SLC24A2: variants seen among roughly 807,000 people sequenced by gnomAD.
SLC24A2 encodes sodium/potassium/calcium exchanger 2.
In SLC24A2, 36 loss-of-function variants were observed where a neutral mutation model predicts 62.0. The observed-to-expected ratio is 0.58, with a 90% CI of 0.44 to 0.77. The LOEUF is 0.77. Among genes scored for constraint, SLC24A2 ranks in the 30% least tolerant of loss-of-function variants. The pLI, the probability that SLC24A2 is intolerant of heterozygous loss-of-function variation, is 0.00. For synonymous variants in SLC24A2, 358 were observed against 294.0 expected (o/e 1.22, Z -2.23); for missense variants, 846 against 817.9 (o/e 1.03, Z -0.42).
At chr9:19,991,774 G>A in the SLC24A2 span, among the ~76,000 whole-genome samples, 9 of 152,068 alleles carry the variant, frequency 5.9e-5, no homozygotes, top group South Asian at 2.1e-4. Flanking sequence ...TTTATTTTTC[G>A]GAAAATAAGT....
chr9:20,045,400 G>C, the SLC24A2 span, among the ~76,000 whole-genome samples: 1 of 151,920 alleles, frequency 6.6e-6, no homozygotes. Flanking sequence ...TGGTTAAGTA[G>C]AACACAAAAA....
At chr9:19,850,983 A>T in the SLC24A2 span, among the ~76,000 whole-genome samples, 3 of 39,578 alleles carry the variant, frequency 7.6e-5, no homozygotes, top group Non-Finnish European at 1.6e-4. Context: ...ATATATATAT[A>T]TGTATATATA....
At chr9:20,039,024 AATGGACTAAG>A in the SLC24A2 span, among the ~76,000 whole-genome samples, 1 of 152,260 alleles carries the variant, frequency 6.6e-6, no homozygotes, top group Admixed American at 6.5e-5. Context: ...TCACAGAAGT[AATGGACTAAG>A]AGAGAACAGA....
At chr9:20,117,142 A>G in the SLC24A2 span, among the ~76,000 whole-genome samples, 1 of 152,124 alleles carries the variant, frequency 6.6e-6, no homozygotes, top group African/African-American at 2.4e-5. Context: ...CAAAGATAAC[A>G]TCTCCTTCCC....
intron 2 of SLC24A2, among the ~76,000 whole-genome samples, chr9:19,662,350 A>T (rs1347870639): frequency 1.3e-5 from 2 of 152,200 alleles, no homozygotes; most frequent in East Asian, 3.8e-4. Flanking sequence ...GACACATTTC[A>T]AGGGCTGAGT....
At chr9:19,669,463 A>G (rs13285098) in intron 2 of SLC24A2, among the ~76,000 whole-genome samples, 37,287 of 152,198 alleles carry the variant, frequency 0.24, 4,645 homozygotes, top group African/African-American at 0.28. Flanking sequence ...TTGCTACCAC[A>G]ATAAATAACC....
the SLC24A2 span, among the ~76,000 whole-genome samples, chr9:20,283,543 C>T: frequency 6.6e-6 from 1 of 152,124 alleles, no homozygotes; most frequent in Non-Finnish European, 1.5e-5. Context: ...CCGGAATATC[C>T]ATACGGGTCA....
chr9:20,088,379 G>A, the SLC24A2 span, among the ~76,000 whole-genome samples: 1 of 152,150 alleles, frequency 6.6e-6, no homozygotes, highest in African/African-American at 2.4e-5. Flanking sequence ...GAGAATCAGA[G>A]GCAACTAGGG....
the SLC24A2 span, among the ~76,000 whole-genome samples, chr9:20,187,855 T>G: frequency 6.6e-6 from 1 of 152,194 alleles, no homozygotes; most frequent in Non-Finnish European, 1.5e-5. Flanking sequence ...AGAATCTCTA[T>G]GCCCACCTCA....
the SLC24A2 span, among the ~76,000 whole-genome samples, chr9:20,229,335 T>C: frequency 6.6e-6 from 1 of 152,140 alleles, no homozygotes; most frequent in Non-Finnish European, 1.5e-5. Context: ...ATAAGGAAAG[T>C]ATGGTATGAA....
At chr9:19,991,292 C>T in the SLC24A2 span, among the ~76,000 whole-genome samples, 2 of 152,066 alleles carry the variant, frequency 1.3e-5, no homozygotes, top group Non-Finnish European at 2.9e-5. Flanking sequence ...AACTTGGAGT[C>T]TGATGTTCGA....
the SLC24A2 span, among the ~76,000 whole-genome samples, chr9:20,241,340 C>T: frequency 1.3e-5 from 2 of 152,196 alleles, no homozygotes; most frequent in Non-Finnish European, 2.9e-5. Context: ...CAGTTCAATT[C>T]AGCAGGTATT....
At chr9:20,283,652 G>A in the SLC24A2 span, among the ~76,000 whole-genome samples, 1 of 150,204 alleles carries the variant, frequency 6.7e-6, no homozygotes, top group Non-Finnish European at 1.5e-5. Flanking sequence ...AAGAATGGAA[G>A]TCTATTTTAA....
chr9:19,798,274 A>T, the SLC24A2 span, among the ~76,000 whole-genome samples: 1 of 152,192 alleles, frequency 6.6e-6, no homozygotes, highest in Non-Finnish European at 1.5e-5. Context: ...CAATGTTAGT[A>T]GTATTGATTT....
At chr9:19,636,315 T>TTTTCTTTTCTTTTCCTTC in intron 2 of SLC24A2, among the ~76,000 whole-genome samples, 1 of 40,328 alleles carries the variant, frequency 2.5e-5, no homozygotes, top group Non-Finnish European at 4.7e-5. Flanking sequence ...TTTTCTTTTC[T>TTTTCTTTTCTTTTCCTTC]TTTCTTTCTT....
chr9:19,998,677 G>A, the SLC24A2 span, among the ~76,000 whole-genome samples: 1 of 152,200 alleles, frequency 6.6e-6, no homozygotes, highest in African/African-American at 2.4e-5. Context: ...CAGATTTGCT[G>A]TTTTGCTCAA....
the SLC24A2 span, among the ~76,000 whole-genome samples, chr9:20,164,802 C>A: frequency 6.6e-6 from 1 of 151,176 alleles, no homozygotes; most frequent in African/African-American, 2.4e-5. Context: ...TACTATGCAG[C>A]CATAAAAAAT....
At position 19,786,958 on chromosome 9, in the gene SLC24A2, C is replaced by G; in HGVS notation, c.-92G>C. On this transcript the variant is annotated 5_prime_UTR_variant, in exon 2 of 11. Transcript: ENST00000341998. This position sits in a 1 kb window ranked among gnomAD's most constrained non-coding sequence, Gnocchi z 5.0. Reference sequence around the variant, plus strand: ...TTTCCTTACTTTATAGTTAACGATGCTTGTGGGGTACTTTCACAATCAGGG... The same window carrying G: ...TTTCCTTACTTTATAGTTAACGATGGTTGTGGGGTACTTTCACAATCAGGG... The G allele has an allele frequency of 6.6e-7, 1 of 1,526,532 alleles. No individual in the cohort carries two copies. Among genetic ancestry groups the G allele is most frequent in the Non-Finnish European group, 8.7e-7 (1 of 1,142,930 alleles). The allele number at this position is 1,526,532 out of a possible 1,614,324, so 94.6% of individuals were successfully genotyped here.
the SLC24A2 span, among the ~76,000 whole-genome samples, chr9:19,817,994 C>A: frequency 6.6e-6 from 1 of 152,110 alleles, no homozygotes; most frequent in East Asian, 1.9e-4. Context: ...GTAATCCTCC[C>A]ACTTTAGCCT....
Sources: gnomAD v4.1 joint callset for allele counts (sites outside exome capture counted in the v4.1 genomes callset) on GRCh38, gnomAD v4.1.1 for gene constraint, Gnocchi (gnomAD v3.1) non-coding constraint, MANE v1.5 for transcripts, NCBI Gene and HGNC (gene_info 2026-07-23, HGNC 2026-07-21) for gene names.